The following REST variants were observed in gnomAD, a reference collection of about 807,000 sequenced individuals.
REST encodes RE1 silencing transcription factor, also known as RE1-silencing transcription factor.
A neutral mutation model predicts 30.4 loss-of-function variants in REST; 1 was observed. The observed-to-expected ratio is 0.03, with a 90% CI of 0.01 to 0.16. The LOEUF is 0.16. REST is among the 10% of genes least tolerant of loss of function. The probability of loss-of-function intolerance (pLI) is 1.00; values close to 1 mark genes in which losing one functional copy is unlikely to be tolerated. For synonymous variants in REST, 504 were observed against 451.1 expected (o/e 1.12, Z -1.49); for missense variants, 1,259 against 1,329.5 (o/e 0.95, Z 0.82).
At position 56,930,592 on chromosome 4, in the gene REST, T is replaced by A. The variant is rs1481592088; in HGVS notation, c.1734T>A (p.Ser578Arg). ...NKKQNTCMKKSTKKKTLKNKS... is the reference protein window; with the variant it reads ...NKKQNTCMKKRTKKKTLKNKS... Reference sequence around the variant, plus strand: ...AGCAAAATACTTGCATGAAAAAAAGTACAAAGAAGAAAACTCTGAAAAATA... The same window carrying A: ...AGCAAAATACTTGCATGAAAAAAAGAACAAAGAAGAAAACTCTGAAAAATA... Residue 578 changes from serine to arginine, a missense_variant, in exon 4 of 4, where the codon AGT becomes AGA. Transcript: ENST00000309042. 1 of 1,612,458 alleles carries A rather than the reference T, an allele frequency of 6.2e-7. No homozygotes were observed. Among genetic ancestry groups the A allele is most frequent in the Non-Finnish European group, 8.5e-7 (1 of 1,179,766 alleles).
In REST at chr4:56,919,704, T is replaced by C. The variant is rs916985005; in HGVS notation, c.899-83T>C. The C allele has an allele frequency of 1.9e-5, 15 of 772,514 alleles. No homozygotes were observed. In the East Asian group the frequency reaches 3.1e-4, roughly 16 times the overall value. 47.9% of individuals were successfully genotyped at this position (772,514 alleles called of 1,614,324 possible). On this transcript the variant is annotated intron_variant, in intron 2 of 3. Transcript: ENST00000309042. ...ATTCTTGTTAAAATGTGCTGAGCGC[T>C]GAACATTGTTGCATTGTTAGTGAGA...
rs146236318 is a variant in REST, at chr4:56,911,208, G to C, written c.570G>C (p.Glu190Asp). ...GTGCTAAGAAATTTTTTGTGGAAGA[G>C]AGTGCAGAGAAGCAGGCAAAAGCCA... Reference protein sequence around the residue: ...VHSAKKFFVEESAEKQAKARE... With the variant: ...VHSAKKFFVEDSAEKQAKARE... The change falls in exon 2 of 4, where the codon GAG becomes GAC. Residue 190 changes from glutamate (E) to aspartate (D), a missense_variant. By Grantham distance (45) the Glu-to-Asp change is conservative (BLOSUM62 2). Coordinates refer to ENST00000309042, the MANE Select transcript of REST (RefSeq NM_005612.5). 30 of 1,614,072 alleles carry C rather than the reference G, an allele frequency of 1.9e-5. No homozygotes were observed. Among genetic ancestry groups the C allele is most frequent in the Non-Finnish European group, 2.5e-5 (30 of 1,180,046 alleles).
At chr4:56,910,522 A>G (rs1014698722) in intron 1 of REST, 108 bp from the exon 2 acceptor site, 7 of 902,808 alleles carry the variant, frequency 7.8e-6, no homozygotes, top group Non-Finnish European at 1.1e-5. Flanking sequence ...AGTTATAAAG[A>G]TCATACTGGA....
intron 1 of REST, among the ~76,000 whole-genome samples, chr4:56,908,551 C>T (rs1719730390): frequency 6.6e-6 from 1 of 151,958 alleles, no homozygotes; most frequent in Admixed American, 6.6e-5. Context: ...CGGAGCTGCT[C>T]GGGCCCGTAG....
intron 2 of REST, among the ~76,000 whole-genome samples, chr4:56,914,922 C>CTTTTTTTTTTTTTTTTTTTTTTTTTTAT (rs10589188): frequency 1.1e-5 from 1 of 92,116 alleles, no homozygotes; most frequent in Non-Finnish European, 2.0e-5. Context: ...TTTTTTTTAA[C>CTTTTTTTTTTTTTTTTTTTTTTTTTTAT]TTTTTTTTTT....
chr4:56,910,537 T>G, intron 1 of REST, 93 bp from the exon 2 acceptor site: 1 of 1,115,112 alleles, frequency 9.0e-7, no homozygotes, highest in East Asian at 2.5e-5. Flanking sequence ...ACTGGAAAAT[T>G]TTTAAGTTAT....
At position 56,933,319 on chromosome 4, in the gene REST, G is replaced by A. The variant is rs942239308; in HGVS notation, c.*1167G>A. The stretch of plus-strand genomic sequence containing the variant: ...TCATATGGCTACTTTACAATAAAGA[G>A]AACTGTAAGTGATATTTGGAAACTA... On this transcript the variant is annotated 3_prime_UTR_variant, in exon 4 of 4. Transcript: ENST00000309042. The A allele has an allele frequency of 1.3e-5, 2 of 152,074 alleles. No homozygotes were observed. The highest frequency in any genetic ancestry group is 2.9e-5 in the Non-Finnish European group (2 of 68,020). The allele number at this position is 152,074 out of a possible 1,614,324, so 9.4% of individuals were successfully genotyped here.
chr4:56,915,240 A>G (rs71609619), intron 2 of REST, among the ~76,000 whole-genome samples: 12,388 of 53,698 alleles, frequency 0.23, 783 homozygotes, highest in Middle Eastern at 0.28. Context: ...GTGTGTGTGT[A>G]TTTTTTTTTT....
rs910204702 is a variant in REST, at chr4:56,932,657, A to T, written c.*505A>T. On this transcript the variant is annotated 3_prime_UTR_variant, in exon 4 of 4. Transcript: ENST00000309042. ...TTCCCCCAGCAATAGACAGTCTATCAGTCCAAGTATTTACTTCCTGAGTTT... is the reference window on the plus strand; with the variant it reads ...TTCCCCCAGCAATAGACAGTCTATCTGTCCAAGTATTTACTTCCTGAGTTT... The T allele has an allele frequency of 6.6e-6, 1 of 152,358 alleles. No homozygotes were observed. Among genetic ancestry groups the T allele is most frequent in the Admixed American group, 6.5e-5 (1 of 15,284 alleles). The allele number at this position is 152,358 out of a possible 1,614,324, so 9.4% of individuals were successfully genotyped here. A position where few individuals can be genotyped will look rare whatever the true frequency, so the allele number is the denominator to read the frequency against.
chr4:56,918,619 T>C (rs544143059), intron 2 of REST, among the ~76,000 whole-genome samples: 3 of 152,186 alleles, frequency 2.0e-5, no homozygotes, highest in Admixed American at 1.3e-4. Flanking sequence ...AGTATAGTGG[T>C]GCCGTCATAG....
At chr4:56,927,740 T>A in intron 3 of REST, 1 of 542,994 alleles carries the variant, frequency 1.8e-6, no homozygotes, top group Non-Finnish European at 2.8e-6. Context: ...TATGTATCAG[T>A]GATTGTGACT....
At chr4:56,927,419 A>G (rs756248273) in intron 3 of REST, among the ~76,000 whole-genome samples, 2 of 152,246 alleles carry the variant, frequency 1.3e-5, no homozygotes, top group Non-Finnish European at 2.9e-5. Flanking sequence ...TAATTTGACT[A>G]CCTGGATAAG....
chr4:56,917,977 A>G (rs1181712580), intron 2 of REST, among the ~76,000 whole-genome samples: 1 of 145,770 alleles, frequency 6.9e-6, no homozygotes, highest in Non-Finnish European at 1.5e-5. Context: ...GTGTGAACCC[A>G]GGAGGCATAG....
chr4:56,930,476 TCAA>T lies in REST; in HGVS notation c.1622_1624del (p.Thr541del), dbSNP rs766855797. ...TGGTCCTGTGAATGATGAGGAATCT[TCAA>T]CAAAAAAGAAAAAGAAGGTAGAAAG... On this transcript the variant is annotated inframe_deletion, in exon 4 of 4. Coordinates refer to ENST00000309042, the MANE Select transcript of REST (RefSeq NM_005612.5). 9 of 1,611,456 alleles carry T rather than the reference TCAA, an allele frequency of 5.6e-6. No homozygotes were observed. Among genetic ancestry groups the T allele is most frequent in the Non-Finnish European group, 6.8e-6 (8 of 1,179,478 alleles).
chr4:56,927,948 A>T (rs919315878), intron 3 of REST, among the ~76,000 whole-genome samples: 6 of 152,214 alleles, frequency 3.9e-5, no homozygotes, highest in Non-Finnish European at 7.3e-5. Context: ...GCCATGACGG[A>T]CAGAAGGATT....
intron 3 of REST, among the ~76,000 whole-genome samples, chr4:56,920,988 C>G (rs1720421468): frequency 6.6e-6 from 1 of 152,086 alleles, no homozygotes; most frequent in South Asian, 2.1e-4. Flanking sequence ...GCCTCAGCCT[C>G]CTGAATAGCT....
At chr4:56,917,790 G>A (rs552596569) in intron 2 of REST, among the ~76,000 whole-genome samples, 3 of 152,036 alleles carry the variant, frequency 2.0e-5, no homozygotes, top group Admixed American at 6.6e-5. Context: ...GGCGGCTCAT[G>A]CCTGTAATCC....
Position 56,934,153 on chromosome 4 carries a change from A to G in REST, c.*2001A>G, listed in dbSNP as rs1242741450. The G allele has an allele frequency of 1.3e-5, 2 of 152,252 alleles. No homozygotes were observed. The highest frequency in any genetic ancestry group is 2.9e-5 in the Non-Finnish European group (2 of 68,040). The allele number at this position is 152,252 out of a possible 1,614,324, so 9.4% of individuals were successfully genotyped here. A position where few individuals can be genotyped will look rare whatever the true frequency, so the allele number is the denominator to read the frequency against. ...AGGCTCCGACAATCATTGTCAACAGAAGATCAAGCTGCAAATATTTATGTT... is the reference window on the plus strand; with the variant it reads ...AGGCTCCGACAATCATTGTCAACAGGAGATCAAGCTGCAAATATTTATGTT... On this transcript the variant is annotated 3_prime_UTR_variant, in exon 4 of 4. Coordinates refer to ENST00000309042, the MANE Select transcript of REST (RefSeq NM_005612.5).
At chr4:56,914,296 C>T (rs1364460848) in intron 2 of REST, among the ~76,000 whole-genome samples, 1 of 152,102 alleles carries the variant, frequency 6.6e-6, no homozygotes, top group Non-Finnish European at 1.5e-5. Flanking sequence ...TATTAACTGG[C>T]AGGCTTAAAC....
Sources: gnomAD v4.1 joint callset for allele counts (sites outside exome capture counted in the v4.1 genomes callset) on GRCh38, gnomAD v4.1.1 for gene constraint, MANE v1.5 for transcripts, NCBI Gene and HGNC (gene_info 2026-07-23, HGNC 2026-07-21) for gene names.